Variants in DLGAP2 observed in about 807,000 individuals in gnomAD.
DLGAP2 encodes the protein DLG associated protein 2, also known as disks large-associated protein 2.
A neutral mutation model predicts 100.3 loss-of-function variants in DLGAP2; 26 were observed. The ratio of observed to expected loss-of-function variants is 0.26; its 90% CI spans 0.19 to 0.36. The LOEUF is 0.36. Among genes scored for constraint, DLGAP2 ranks in the 10% least tolerant of loss-of-function variants. DLGAP2 has a pLI of 1.00. For missense variants in DLGAP2, 1,858 were observed against 1,453.2 expected (o/e 1.28, Z -4.53); for synonymous variants, 886 against 630.1 (o/e 1.41, Z -6.08).
chr8:1,580,556 G>C (rs1803192288), intron 6 of DLGAP2, among the ~76,000 whole-genome samples: 1 of 152,182 alleles, frequency 6.6e-6, no homozygotes, highest in African/African-American at 2.4e-5. Context: ...CAGAACAGAA[G>C]AAACGTGGGA....
intron 2 of DLGAP2, among the ~76,000 whole-genome samples, chr8:1,230,076 G>C (rs1798503646): frequency 6.6e-6 from 1 of 151,830 alleles, no homozygotes; most frequent in African/African-American, 2.4e-5. Flanking sequence ...CAAACTATTT[G>C]TCTTCACAGA....
Position 1,707,950 on chromosome 8 carries a change from T to C in DLGAP2, c.*6544T>C, listed in dbSNP as rs930655420. 5.2e-5 allele frequency: 8 copies of C among 152,768 alleles called. No homozygotes were observed. The highest frequency in any genetic ancestry group is 3.4e-3 in the Middle Eastern group (1 of 292). 9.5% of individuals were successfully genotyped at this position (152,768 alleles called of 1,614,324 possible). ...AAATTCTATTTAGTAGCATGCAGGA[T>C]ACCTAATCTGAATGTGCAATATGCT... On this transcript the variant is annotated 3_prime_UTR_variant, in exon 15 of 15. Transcript: ENST00000637795.
chr8:1,514,796 A>C (rs1408377460), intron 4 of DLGAP2, among the ~76,000 whole-genome samples: 1 of 152,218 alleles, frequency 6.6e-6, no homozygotes, highest in East Asian at 1.9e-4. Flanking sequence ...TCAGCAGGAC[A>C]GGAAAGGAAG....
At chr8:1,423,934 C>T (rs1797171097) in intron 3 of DLGAP2, among the ~76,000 whole-genome samples, 1 of 152,196 alleles carries the variant, frequency 6.6e-6, no homozygotes, top group South Asian at 2.1e-4. Context: ...AATGAGGAAG[C>T]AGTGCTGAAA....
At chr8:1,300,909 C>G (rs745479692) in intron 3 of DLGAP2, 1 of 152,280 alleles carries the variant, frequency 6.6e-6, no homozygotes, top group Admixed American at 6.5e-5. Flanking sequence ...TAGATAAACC[C>G]TACAGCCTGC....
At chr8:928,250 T>A (rs1016640044) in intron 2 of DLGAP2, among the ~76,000 whole-genome samples, 1 of 152,090 alleles carries the variant, frequency 6.6e-6, no homozygotes, top group African/African-American at 2.4e-5. Context: ...GAGGTCGAGT[T>A]TGCGTTCACT....
chr8:1,686,951 T>C (rs1367666047), intron 12 of DLGAP2, among the ~76,000 whole-genome samples: 1 of 152,214 alleles, frequency 6.6e-6, no homozygotes, highest in African/African-American at 2.4e-5. Flanking sequence ...TAGCACACTG[T>C]AGACATCTGT....
At chr8:1,661,800 C>G (rs915881519) in intron 8 of DLGAP2, among the ~76,000 whole-genome samples, 4 of 152,186 alleles carry the variant, frequency 2.6e-5, no homozygotes, top group Non-Finnish European at 5.9e-5. Flanking sequence ...CTAGGAGGGT[C>G]AGTTTCTATG....
chr8:1,514,995 GTGGAGGGAGACCGACA>G (rs1439648461), intron 4 of DLGAP2, among the ~76,000 whole-genome samples: 12 of 151,700 alleles, frequency 7.9e-5, no homozygotes, highest in Admixed American at 2.6e-4. Context: ...AGAGACTGAC[GTGGAGGGAGACCGACA>G]TGGAGGGAGA....
chr8:1,070,378 A>C (rs193073761), intron 2 of DLGAP2, among the ~76,000 whole-genome samples: 74 of 152,302 alleles, frequency 4.9e-4, no homozygotes, highest in Non-Finnish European at 9.0e-4. Context: ...CCATGGCCCA[A>C]TAAATCTCGT....
At chr8:985,567 T>G (rs777588810) in intron 2 of DLGAP2, among the ~76,000 whole-genome samples, 6 of 152,238 alleles carry the variant, frequency 3.9e-5, no homozygotes, top group Non-Finnish European at 8.8e-5. Context: ...GAATTTATTA[T>G]GCTGTGAAGG....
chr8:964,455 A>G (rs1463939661), intron 2 of DLGAP2, among the ~76,000 whole-genome samples: 1 of 152,246 alleles, frequency 6.6e-6, no homozygotes, highest in Admixed American at 6.5e-5. Flanking sequence ...CCAGCCTTTT[A>G]TTCAAAGCCT....
chr8:747,396 G>A (rs1476109234), intron 1 of DLGAP2, among the ~76,000 whole-genome samples: 4 of 151,896 alleles, frequency 2.6e-5, no homozygotes, highest in South Asian at 2.1e-4. Flanking sequence ...CTTCTCCGCC[G>A]GGCCTCGCTT....
At chr8:923,681 C>G (rs762784953) in intron 2 of DLGAP2, among the ~76,000 whole-genome samples, 1 of 152,164 alleles carries the variant, frequency 6.6e-6, no homozygotes, top group Non-Finnish European at 1.5e-5. Context: ...AGGGGACAGT[C>G]AGTGGAAGCG....
intron 1 of DLGAP2, among the ~76,000 whole-genome samples, chr8:803,331 C>T (rs1307379871): frequency 6.6e-6 from 1 of 152,180 alleles, no homozygotes; most frequent in Non-Finnish European, 1.5e-5. Context: ...TTATATTATA[C>T]TTACTTTTGC....
chr8:1,686,738 G>T (rs1799125766), intron 12 of DLGAP2, among the ~76,000 whole-genome samples: 1 of 152,068 alleles, frequency 6.6e-6, no homozygotes, highest in Non-Finnish European at 1.5e-5. Flanking sequence ...CAGGAGAGAG[G>T]AGGAAGAGAA....
intron 6 of DLGAP2, among the ~76,000 whole-genome samples, chr8:1,618,813 T>C (rs556070512): frequency 5.9e-5 from 9 of 152,184 alleles, no homozygotes; most frequent in Non-Finnish European, 1.2e-4. Flanking sequence ...TTCTCTCTTG[T>C]TGGGGGCCCT....
intron 2 of DLGAP2, among the ~76,000 whole-genome samples, chr8:1,055,823 T>G (rs1053017700): frequency 1.3e-5 from 2 of 152,252 alleles, no homozygotes; most frequent in African/African-American, 4.8e-5. Flanking sequence ...TCAGGCTCAT[T>G]TGGGCTTGAA....
chr8:1,064,403 G>T (rs1284880370), intron 2 of DLGAP2, among the ~76,000 whole-genome samples: 1 of 151,628 alleles, frequency 6.6e-6, no homozygotes, highest in African/African-American at 2.4e-5. Context: ...GGTGCTGTTT[G>T]GGGATGTTGT....
Sources: gnomAD v4.1 joint callset for allele counts (sites outside exome capture counted in the v4.1 genomes callset) on GRCh38, gnomAD v4.1.1 for gene constraint, MANE v1.5 for transcripts, NCBI Gene and HGNC (gene_info 2026-07-23, HGNC 2026-07-21) for gene names.